Variants in TCERG1L observed in about 807,000 individuals in gnomAD.
The protein encoded by TCERG1L is transcription elongation regulator 1 like, also known as transcription elongation regulator 1-like protein.
A neutral mutation model predicts 56.3 loss-of-function variants in TCERG1L; 37 were observed. The ratio of observed to expected loss-of-function variants is 0.66; its 90% CI spans 0.51 to 0.87. The LOEUF (loss-of-function observed/expected upper bound fraction) is 0.87, where lower values mean the gene tolerates loss of function less well. Among genes scored for constraint, TCERG1L ranks in the 40% least tolerant of loss-of-function variants. The probability of loss-of-function intolerance (pLI) is 0.00; values close to 1 mark genes in which losing one functional copy is unlikely to be tolerated. For missense variants in TCERG1L, 799 were observed against 774.2 expected (o/e 1.03, Z -0.38); for synonymous variants, 324 against 326.3 (o/e 0.99, Z 0.08).
intron 3 of TCERG1L, among the ~76,000 whole-genome samples, chr10:131,307,955 C>G (rs1195986057): frequency 6.6e-6 from 1 of 152,080 alleles, no homozygotes; most frequent in East Asian, 1.9e-4. Flanking sequence ...CAGAGCACTG[C>G]AAATACAATT....
At chr10:131,266,827 G>A (rs1564829478) in intron 3 of TCERG1L, among the ~76,000 whole-genome samples, 1 of 151,582 alleles carries the variant, frequency 6.6e-6, no homozygotes, top group Non-Finnish European at 1.5e-5. Flanking sequence ...GCTCTCTGCA[G>A]CTGATAACTC....
chr10:131,277,622 A>G lies in TCERG1L; in HGVS notation c.671-17178T>C, dbSNP rs570765356. Reference sequence around the variant, plus strand: ...ATCTGGCTCAGGTTCTCGTCTGGGGAGCAGACCAGGGACAAGCTAACAGAA... The same window carrying G: ...ATCTGGCTCAGGTTCTCGTCTGGGGGGCAGACCAGGGACAAGCTAACAGAA... On this transcript the variant is annotated intron_variant, in intron 3 of 11. Transcript: ENST00000368642. Among the ~76,000 whole-genome samples the G allele has an allele frequency of 2.0e-5, 3 of 152,268 alleles. No homozygotes were observed. In the South Asian group the frequency reaches 6.2e-4, roughly 32 times the overall value.
At chr10:131,126,731 G>A (rs918635186) in intron 8 of TCERG1L, among the ~76,000 whole-genome samples, 5 of 152,192 alleles carry the variant, frequency 3.3e-5, no homozygotes, top group Non-Finnish European at 7.4e-5. Context: ...GGGAACTCAC[G>A]CTGGTGGCTC....
chr10:131,181,725 T>TC (rs1845177820), intron 4 of TCERG1L, among the ~76,000 whole-genome samples: 1 of 152,226 alleles, frequency 6.6e-6, no homozygotes, highest in South Asian at 2.1e-4. Context: ...GCTCTCCGTG[T>TC]CCCCCCTCGC....
At chr10:131,180,497 G>A (rs894930930) in intron 4 of TCERG1L, among the ~76,000 whole-genome samples, 1 of 152,090 alleles carries the variant, frequency 6.6e-6, no homozygotes, top group African/African-American at 2.4e-5. Flanking sequence ...TTCATTTTCG[G>A]GTACTATCCA....
chr10:131,256,974 AAGG>A (rs1846170524), intron 4 of TCERG1L, among the ~76,000 whole-genome samples: 4 of 72,056 alleles, frequency 5.6e-5, no homozygotes, highest in East Asian at 3.3e-4. Context: ...GGAAGGAAGG[AAGG>A]AAGGAAGGAA....
chr10:131,132,933 C>T (rs540884226), intron 8 of TCERG1L, among the ~76,000 whole-genome samples: 1 of 152,338 alleles, frequency 6.6e-6, no homozygotes, highest in East Asian at 1.9e-4. Context: ...CTTCCACGTG[C>T]TGTGGGGCCA....
intron 8 of TCERG1L, among the ~76,000 whole-genome samples, chr10:131,129,435 G>A (rs970113506): frequency 5.3e-5 from 8 of 152,348 alleles, no homozygotes; most frequent in Admixed American, 2.6e-4. Flanking sequence ...GCAGAAAAAC[G>A]CTGGCGTTGA....
At position 131,211,504 on chromosome 10, in the gene TCERG1L, A is replaced by T. The variant is rs563890086; in HGVS notation, c.857-44619T>A. On this transcript the variant is annotated intron_variant, in intron 4 of 11. Coordinates refer to ENST00000368642, the MANE Select transcript of TCERG1L (RefSeq NM_174937.4). ...CCTTCTATTTAGTTACACCACGAGA[A>T]GTAATGTCCCAGGATGCAGTGACTT... Among the ~76,000 whole-genome samples, 6 of 152,322 alleles carry T rather than the reference A, an allele frequency of 3.9e-5. No homozygotes were observed. In the South Asian group the frequency reaches 1.2e-3, roughly 32 times the overall value.
At chr10:131,169,388 A>G (rs1846065475) in intron 4 of TCERG1L, among the ~76,000 whole-genome samples, 1 of 152,070 alleles carries the variant, frequency 6.6e-6, no homozygotes, top group South Asian at 2.1e-4. Flanking sequence ...GGGGCACACA[A>G]AGGAAGCTGA....
intron 8 of TCERG1L, among the ~76,000 whole-genome samples, chr10:131,123,058 C>T (rs1372536610): frequency 2.0e-5 from 3 of 152,190 alleles, no homozygotes; most frequent in African/African-American, 4.8e-5. Flanking sequence ...ACCCACCGGC[C>T]CCACACAGCT....
Position 131,311,447 on chromosome 10 carries a change from G to A in TCERG1L, c.189C>T (p.Leu63=). ...GGGCCGCGGGCGGCGGGGCCGAGGC[G>A]AGCAGCACCGGGGGAACCACGACCC... ...SAGVVVPPVL[L]ASAPPPAAPL... is the part of the protein sequence containing the mutation. Residue 63 remains leucine, a synonymous_variant, in exon 1 of 12, where the codon CTC becomes CTT. Transcript: ENST00000368642. The surrounding 1 kb of genome is among the most constrained non-coding windows in gnomAD (Gnocchi z 4.0). The A allele has an allele frequency of 8.5e-7, 1 of 1,177,716 alleles. No homozygotes were observed. The allele number at this position is 1,177,716 out of a possible 1,614,324, so 73.0% of individuals were successfully genotyped here. A position where few individuals can be genotyped will look rare whatever the true frequency, so the allele number is the denominator to read the frequency against.
intron 5 of TCERG1L, 81 bp from the exon 6 acceptor site, chr10:131,163,291 A>C: frequency 1.9e-6 from 2 of 1,071,046 alleles, no homozygotes; most frequent in Non-Finnish European, 2.5e-6. Context: ...GGAGGAATAA[A>C]CAAATCTCCT....
intron 9 of TCERG1L, among the ~76,000 whole-genome samples, chr10:131,115,061 C>T (rs1007955880): frequency 6.6e-6 from 1 of 152,248 alleles, no homozygotes; most frequent in Non-Finnish European, 1.5e-5. Context: ...CAATGACACC[C>T]CTGAACCTGA....
chr10:131,285,547 A>AAAGG (rs1438807623), intron 3 of TCERG1L, among the ~76,000 whole-genome samples: 28 of 141,584 alleles, frequency 2.0e-4, no homozygotes, highest in South Asian at 2.2e-4. Context: ...GAAAAGAAAG[A>AAAGG]AAGGAAGGAA....
intron 3 of TCERG1L, among the ~76,000 whole-genome samples, chr10:131,298,909 C>T (rs1846727695): frequency 6.6e-6 from 1 of 152,182 alleles, no homozygotes; most frequent in African/African-American, 2.4e-5. Context: ...GATGAGCTTC[C>T]ATGCTGCAAC....
Position 131,118,419 on chromosome 10 carries a change from G to T in TCERG1L, c.1260-1485C>A, listed in dbSNP as rs1403093292. Among the ~76,000 whole-genome samples, 1 of 152,140 alleles carries T rather than the reference G, an allele frequency of 6.6e-6. No individual in the cohort carries two copies. The highest frequency in any genetic ancestry group is 1.5e-5 in the Non-Finnish European group (1 of 68,026). ...CTCTCCTGGGCCACAGTCTCCCCAA[G>T]CTCCACTGAACTTCTCAGTAGGCCT... is the stretch of plus-strand genomic sequence containing the variant. On this transcript the variant is annotated intron_variant, in intron 8 of 11. Coordinates refer to ENST00000368642, the MANE Select transcript of TCERG1L (RefSeq NM_174937.4). This position sits in a 1 kb window ranked among gnomAD's most constrained non-coding sequence, Gnocchi z 4.2.
At chr10:131,149,904 C>T (rs75595850) in intron 6 of TCERG1L, among the ~76,000 whole-genome samples, 5,967 of 152,294 alleles carry the variant, frequency 0.039, 193 homozygotes, top group South Asian at 0.19. Context: ...GATCCGGCCC[C>T]TCAAGGGCTT....
At chr10:131,135,509 A>C (rs1383930328) in intron 7 of TCERG1L, among the ~76,000 whole-genome samples, 1 of 152,200 alleles carries the variant, frequency 6.6e-6, no homozygotes, top group African/African-American at 2.4e-5. Context: ...GAATCCCAAT[A>C]ATGGCTCTGT....
Sources: gnomAD v4.1 joint callset for allele counts (sites outside exome capture counted in the v4.1 genomes callset) on GRCh38, gnomAD v4.1.1 for gene constraint, Gnocchi (gnomAD v3.1) non-coding constraint, MANE v1.5 for transcripts, NCBI Gene and HGNC (gene_info 2026-07-23, HGNC 2026-07-21) for gene names.